OTUD4: variants seen among roughly 807,000 people sequenced by gnomAD.
OTUD4 encodes the protein OTU deubiquitinase 4.
In OTUD4, 24 loss-of-function variants were observed where a neutral mutation model predicts 130.4. The ratio of observed to expected loss-of-function variants is 0.18; its 90% CI spans 0.13 to 0.26. The LOEUF is 0.26. Among genes scored for constraint, OTUD4 ranks in the 10% least tolerant of loss-of-function variants. The pLI is 1.00. For synonymous variants in OTUD4, 420 were observed against 472.5 expected, an observed-to-expected ratio of 0.89 and a Z score of 1.44; for missense variants, 1,031 against 1,329.4, an observed-to-expected ratio of 0.78 and a Z score of 3.49.
chr4:145,155,536 C>G (rs750647429), intron 9 of OTUD4, 33 bp downstream of exon 9: 1 of 1,597,710 alleles, frequency 6.3e-7, no homozygotes, highest in African/African-American at 1.3e-5. Context: ...TGCTACAAAG[C>G]AAATTTATGG....
rs769850163 is a variant in OTUD4, at chr4:145,137,521, T to C, written c.3254A>G (p.Tyr1085Cys). The change falls in exon 21 of 21, where the codon TAT (tyrosine) becomes TGT (cysteine). Residue 1085 changes from tyrosine (Y) to cysteine (C), a missense_variant. This residue lies in a region of OTUD4 where 900 missense variants were observed against 1,095.9 expected (regional missense o/e 0.82). Transcript: ENST00000447906. Reference sequence around the variant, plus strand: ...CCCTCTGACATTTCGATGGTACTGATAACCTTCATCCCGACTTCTGCTTGG... The same window carrying C: ...CCCTCTGACATTTCGATGGTACTGACAACCTTCATCCCGACTTCTGCTTGG... ...GQPSRSRDEG[Y>C]QYHRNVRGRP... 1 of 1,612,364 alleles carries C rather than the reference T, an allele frequency of 6.2e-7. No individual in the cohort carries two copies. Among genetic ancestry groups the C allele is most frequent in the Non-Finnish European group, 8.5e-7 (1 of 1,178,838 alleles).
Position 145,159,621 on chromosome 4 carries a change from A to G in OTUD4, c.511T>C (p.Leu171=), listed in dbSNP as rs36225457. 229 of 1,612,978 alleles carry G rather than the reference A, an allele frequency of 1.4e-4. 1 individual carries two copies. In the African/African-American group the frequency reaches 1.6e-3, roughly 11 times the overall value. ...SAMCQSLLYE[L]LYEKVFKTDV... Reference sequence around the variant, plus strand: ...GTTTTAAATACCTTCTCATACAGCAATTCATAAAGGAGAGCTGCAATTAAT... The same window carrying G: ...GTTTTAAATACCTTCTCATACAGCAGTTCATAAAGGAGAGCTGCAATTAAT... Residue 171 remains leucine, a synonymous_variant, in exon 7 of 21, where the codon TTG becomes CTG. Coordinates refer to ENST00000447906, the MANE Select transcript of OTUD4 (RefSeq NM_001366057.1).
At chr4:145,146,141 T>C (rs905159184) in intron 14 of OTUD4, 126 bp downstream of exon 14, 6 of 513,954 alleles carry the variant, frequency 1.2e-5, no homozygotes, top group Non-Finnish European at 1.9e-5. Flanking sequence ...ATGTGAAAAA[T>C]GTGATCTTTA....
intron 2 of OTUD4, among the ~76,000 whole-genome samples, chr4:145,173,031 G>A (rs2126807037): frequency 6.6e-6 from 1 of 152,252 alleles, no homozygotes; most frequent in East Asian, 1.9e-4. Flanking sequence ...ACTGCTTGAA[G>A]GTTCATAAAA....
intron 3 of OTUD4, among the ~76,000 whole-genome samples, chr4:145,167,037 G>A (rs1751913423): frequency 6.6e-6 from 1 of 152,120 alleles, no homozygotes; most frequent in Non-Finnish European, 1.5e-5. Flanking sequence ...AAAGGGGATG[G>A]GGAGGATACA....
chr4:145,139,500 T>C lies in OTUD4; in HGVS notation c.2124+451A>G, dbSNP rs140167696. On this transcript the variant is annotated intron_variant, in intron 20 of 20. Coordinates refer to ENST00000447906, the MANE Select transcript of OTUD4 (RefSeq NM_001366057.1). ...AACCACACTATCTTACATAGGAGGA[T>C]GTACACGTTATTTCCTTTGATCTTT... 3.9e-5 allele frequency among the ~76,000 whole-genome samples: 6 copies of C among 152,350 alleles called. No homozygotes were observed. The East Asian group carries it at 1.2e-3, about 29-fold the overall frequency.
In OTUD4 at chr4:145,180,399, G is replaced by A. The variant is rs952732455; in HGVS notation, c.-426C>T. On this transcript the variant is annotated 5_prime_UTR_variant, in exon 1 of 21. Coordinates refer to ENST00000447906, the MANE Select transcript of OTUD4 (RefSeq NM_001366057.1). Reference sequence around the variant, plus strand: ...CACGCTGGGCCGGCTCAGGTGAAGCGGGGCCTGCGCCCCCGCGCACTCCCC... The same window carrying A: ...CACGCTGGGCCGGCTCAGGTGAAGCAGGGCCTGCGCCCCCGCGCACTCCCC... Among the ~76,000 whole-genome samples the A allele has an allele frequency of 6.6e-6, 1 of 152,166 alleles. No homozygotes were observed. Among genetic ancestry groups the A allele is most frequent in the Non-Finnish European group, 1.5e-5 (1 of 68,012 alleles).
rs777929269 is a variant in OTUD4, at chr4:145,159,486, T to C, written c.629+17A>G. 61 of 1,612,876 alleles carry C rather than the reference T, an allele frequency of 3.8e-5. No homozygotes were observed. The highest frequency in any genetic ancestry group is 1.7e-4 in the Middle Eastern group (1 of 5,846). ...TTGTATGGCACTAAGAAAGGTATTT[T>C]AGGATTTCATTCTTACTTGCAACTG... On this transcript the variant is annotated intron_variant, in intron 7 of 20. Coordinates refer to ENST00000447906, the MANE Select transcript of OTUD4 (RefSeq NM_001366057.1).
rs1484532581 is a variant in OTUD4 at position 145,178,802 on chromosome 4, TAA to T, written c.159+1011_159+1012del. Among the ~76,000 whole-genome samples, 10 of 152,176 alleles carry T rather than the reference TAA, an allele frequency of 6.6e-5. No homozygotes were observed. The South Asian group carries it at 1.0e-3, about 16-fold the overall frequency. ...AACATTTACTCACAAATAGAAATTT[TAA>T]AAGTTATTTAGCATTCAAAAAAGGT... On this transcript the variant is annotated intron_variant, in intron 1 of 20. Coordinates refer to ENST00000447906, the MANE Select transcript of OTUD4 (RefSeq NM_001366057.1).
chr4:145,157,476 T>C (rs1579266706), intron 7 of OTUD4, among the ~76,000 whole-genome samples: 1 of 151,762 alleles, frequency 6.6e-6, no homozygotes, highest in African/African-American at 2.4e-5. Context: ...ATCGCCTGAG[T>C]TCAGGAGTTC....
At position 145,137,610 on chromosome 4, in the gene OTUD4, A is replaced by G; in HGVS notation, c.3165T>C (p.Asp1055=). 1 of 1,613,326 alleles carries G rather than the reference A, an allele frequency of 6.2e-7. No individual in the cohort carries two copies. The highest frequency in any genetic ancestry group is 1.7e-5 in the Admixed American group (1 of 59,916). ...ATCCACCCCTACCAGAATAGCCCCA[A>G]TCACTTTTGTACTTCCTGCTTCCAT... The part of the protein sequence containing the change: ...QTYGSRKYKS[D]WGYSGRGGYQ... The change falls in exon 21 of 21, where the codon GAT becomes GAC. Residue 1055 remains aspartate, a synonymous_variant. Coordinates refer to ENST00000447906, the MANE Select transcript of OTUD4 (RefSeq NM_001366057.1).
In OTUD4 at chr4:145,163,908, A is replaced by G. The variant is rs531618368; in HGVS notation, c.414+246T>C. ...TTTTCAGTAGAGACAGGGTTTCTCC[A>G]TGTTGGTCAGGCTGGTCTCAAATTC... On this transcript the variant is annotated intron_variant, in intron 5 of 20. Transcript: ENST00000447906. 1.2e-3 allele frequency among the ~76,000 whole-genome samples: 186 copies of G among 152,090 alleles called. 1 individual carries two copies. The highest frequency in any genetic ancestry group is 2.2e-3 in the Non-Finnish European group (148 of 67,994).
chr4:145,152,934 C>T (rs555864817), intron 10 of OTUD4, among the ~76,000 whole-genome samples: 17 of 151,448 alleles, frequency 1.1e-4, no homozygotes, highest in African/African-American at 4.1e-4. Flanking sequence ...AGGGTTTCAC[C>T]GTGTTGGCCA....
At chr4:145,143,876 C>A in intron 16 of OTUD4, 70 bp downstream of exon 16, 1 of 1,120,174 alleles carries the variant, frequency 8.9e-7, no homozygotes. Context: ...CACCTTCTTC[C>A]ACTTCTTCCT....
intron 6 of OTUD4, 111 bp downstream of exon 6, chr4:145,162,529 G>T (rs1751628647): frequency 3.7e-6 from 2 of 541,402 alleles, no homozygotes; most frequent in Non-Finnish European, 6.5e-6. Context: ...TCCAGCCTGG[G>T]AGACAGAGCG....
chr4:145,142,301 C>A lies in OTUD4; in HGVS notation c.1717G>T (p.Ala573Ser). 6.2e-7 allele frequency: 1 copy of A among 1,613,918 alleles called. No homozygotes were observed. The highest frequency in any genetic ancestry group is 8.5e-7 in the Non-Finnish European group (1 of 1,179,852). The change falls in exon 18 of 21, where the codon GCT becomes TCT. Residue 573 changes from alanine (A) to serine (S), a missense_variant. This residue lies in a region of OTUD4 where 900 missense variants were observed against 1,095.9 expected (regional missense o/e 0.82). Coordinates refer to ENST00000447906, the MANE Select transcript of OTUD4 (RefSeq NM_001366057.1). ...ACCTCTGGAGAAACTAGAAGGGGAG[C>A]TGGATTTGACAAAGACACATGTTCT... ...PAEHVSLSNP[A>S]PLLVSPEVHL...
chr4:145,156,101 G>C (rs1751275489), intron 7 of OTUD4, 105 bp from the exon 8 acceptor site: 3 of 834,238 alleles, frequency 3.6e-6, no homozygotes, highest in Non-Finnish European at 5.8e-6. Context: ...GCTCCAAAAA[G>C]AGCTATATTC....
intron 11 of OTUD4, among the ~76,000 whole-genome samples, chr4:145,151,225 TTC>T (rs1328480351): frequency 6.6e-6 from 1 of 152,238 alleles, no homozygotes; most frequent in Non-Finnish European, 1.5e-5. Context: ...GAAGTCTTTG[TTC>T]TGTTAGAGAA....
chr4:145,159,044 A>C (rs746345761), intron 7 of OTUD4: 14 of 427,208 alleles, frequency 3.3e-5, no homozygotes, highest in Non-Finnish European at 4.4e-5. Flanking sequence ...ACACAGAGGC[A>C]TTATCCAGGT....
Sources: allele counts gnomAD v4.1 joint callset (sites outside exome capture counted in the v4.1 genomes callset), GRCh38; gene constraint gnomAD v4.1.1; regional missense constraint gnomAD v4.1.1; transcripts MANE v1.5; gene names NCBI Gene and HGNC (gene_info 2026-07-23, HGNC 2026-07-21).